FGFR2: variants seen among roughly 807,000 people sequenced by gnomAD.
The protein encoded by FGFR2 is BEK fibroblast growth factor receptor.
A neutral mutation model predicts 95.9 loss-of-function variants in FGFR2; 19 were observed. The ratio of observed to expected loss-of-function variants is 0.20; its 90% CI spans 0.14 to 0.29. FGFR2 has a LOEUF of 0.29. Ranked by LOEUF, FGFR2 falls within the 10% of genes least tolerant of loss-of-function variation. The pLI, the probability that FGFR2 is intolerant of heterozygous loss-of-function variation, is 1.00. For synonymous variants in FGFR2, 392 were observed against 393.3 expected (o/e 1.00, Z 0.04); for missense variants, 707 against 1,056.9 (o/e 0.67, Z 4.59).
At chr10:121,481,389 GACACACACACACACACAC>G (rs71868012) in intron 17 of FGFR2, among the ~76,000 whole-genome samples, 2 of 149,900 alleles carry the variant, frequency 1.3e-5, no homozygotes, top group African/African-American at 2.5e-5. Flanking sequence ...CATTTTTAAA[GACACACACACACACACAC>G]ACACACACAC....
At chr10:121,480,632 G>A (rs999231399) in intron 17 of FGFR2, 35 of 212,090 alleles carry the variant, frequency 1.7e-4, no homozygotes, top group Non-Finnish European at 3.8e-5. Context: ...GAAGCTCTCC[G>A]AGTTGAAAAT....
intron 4 of FGFR2, among the ~76,000 whole-genome samples, chr10:121,559,111 G>GAAAAAAA (rs904279035): frequency 1.8e-5 from 1 of 55,232 alleles, no homozygotes; most frequent in East Asian, 4.6e-4. Flanking sequence ...TCCAAAAGGA[G>GAAAAAAA]AAAAAAAAAA....
intron 10 of FGFR2, 34 bp from the exon 11 acceptor site, chr10:121,500,981 T>C: frequency 6.2e-7 from 1 of 1,612,226 alleles, no homozygotes; most frequent in Non-Finnish European, 8.5e-7. Flanking sequence ...GCACATAGCA[T>C]CTGGTGATGG....
At chr10:121,535,039 G>C (rs1852637302) in intron 6 of FGFR2, among the ~76,000 whole-genome samples, 1 of 152,148 alleles carries the variant, frequency 6.6e-6, no homozygotes, top group South Asian at 2.1e-4. Flanking sequence ...CCTAAATCCA[G>C]TGACAGGTGT....
chr10:121,561,253 C>T (rs779659398), intron 4 of FGFR2, among the ~76,000 whole-genome samples: 8 of 151,874 alleles, frequency 5.3e-5, no homozygotes, highest in South Asian at 2.1e-4. Context: ...GGAGAAACCC[C>T]GTCTCTACTA....
intron 2 of FGFR2, among the ~76,000 whole-genome samples, chr10:121,570,667 T>C (rs1448199775): frequency 6.6e-6 from 1 of 152,258 alleles, no homozygotes; most frequent in Non-Finnish European, 1.5e-5. Flanking sequence ...AGAAGCCGCC[T>C]TGCTATGCAC....
At chr10:121,537,268 C>G (rs182926909) in intron 6 of FGFR2, among the ~76,000 whole-genome samples, 65 of 152,280 alleles carry the variant, frequency 4.3e-4, no homozygotes, top group Admixed American at 2.5e-3. Context: ...CGAATAAACA[C>G]TATTTTCCCT....
rs2133839866 is a variant in FGFR2 at position 121,488,112 on chromosome 10, C to T, written c.1865G>A (p.Cys622Tyr). The T allele has an allele frequency of 1.2e-6, 2 of 1,613,996 alleles. No homozygotes were observed. Among genetic ancestry groups the T allele is most frequent in the Non-Finnish European group, 1.7e-6 (2 of 1,180,016 alleles). Residue 622 changes from cysteine to tyrosine, a missense_variant and splice_region_variant, in exon 14 of 18, where the codon TGT becomes TAT. Physicochemically the swap from Cys to Tyr is radical, Grantham distance 194. Transcript: ENST00000358487. ...RGMEYLASQK[C>Y]IHRDLAARNV... The stretch of plus-strand genomic sequence containing the variant: ...TCTGGCTGCTAAATCTCGATGAATA[C>T]ACTGAAATCAAGAAAGAAGCAAGAG...
At chr10:121,569,163 G>A (rs796345834) in intron 2 of FGFR2, among the ~76,000 whole-genome samples, 17 of 151,812 alleles carry the variant, frequency 1.1e-4, no homozygotes, top group African/African-American at 3.4e-4. Flanking sequence ...TAAGCACCAC[G>A]ATTTTCAGAG....
chr10:121,487,020 C>T (rs1443727895), intron 15 of FGFR2, among the ~76,000 whole-genome samples: 3 of 152,348 alleles, frequency 2.0e-5, no homozygotes, highest in African/African-American at 4.8e-5. Context: ...TCCAGGATTA[C>T]TCCTTTAATG....
At chr10:121,588,904 ACT>A (rs1862218744) in intron 2 of FGFR2, among the ~76,000 whole-genome samples, 1 of 152,004 alleles carries the variant, frequency 6.6e-6, no homozygotes, top group African/African-American at 2.4e-5. Flanking sequence ...GCAGATCAAG[ACT>A]CTGTCTCAAA....
rs769243397 is a variant in FGFR2 at position 121,593,749 on chromosome 10, G to A, written c.69C>T (p.Pro23=). 1.2e-6 allele frequency: 2 copies of A among 1,614,166 alleles called. No homozygotes were observed. The highest frequency in any genetic ancestry group is 1.7e-6 in the Non-Finnish European group (2 of 1,180,028). The part of the protein sequence containing the change: ...VTMATLSLAR[P]SFSLVEDTTL... ...TGGTATCCTCAACTAAACTGAAGGA[G>A]GGCCGGGCCAGGGACAAGGTTGCCA... Residue 23 remains proline, a synonymous_variant, in exon 2 of 18, where the codon CCC becomes CCT. Coordinates refer to ENST00000358487, the MANE Select transcript of FGFR2 (RefSeq NM_000141.5).
intron 2 of FGFR2, 148 bp from the exon 3 acceptor site, chr10:121,565,852 C>G (rs2135130083): frequency 1.1e-6 from 1 of 897,390 alleles, no homozygotes. Context: ...CACCTCTCCC[C>G]AAGCCCCAGG....
intron 3 of FGFR2, 109 bp downstream of exon 3, chr10:121,565,329 G>GT (rs1857517838): frequency 1.4e-6 from 2 of 1,410,102 alleles, no homozygotes; most frequent in East Asian, 4.6e-5. Context: ...CTATGAAGCT[G>GT]TATGCCTGGC....
intron 2 of FGFR2, among the ~76,000 whole-genome samples, chr10:121,567,585 C>T (rs185449792): frequency 7.9e-4 from 120 of 152,260 alleles, no homozygotes; most frequent in Middle Eastern, 6.8e-3. Flanking sequence ...ACGATAGATA[C>T]AAAATCTACA....
chr10:121,551,961 A>G (rs907736915), intron 4 of FGFR2, among the ~76,000 whole-genome samples: 1 of 152,126 alleles, frequency 6.6e-6, no homozygotes, highest in Non-Finnish European at 1.5e-5. Context: ...TCATTCTAAT[A>G]TAATAAAATA....
At chr10:121,566,285 G>A (rs1326394363) in intron 2 of FGFR2, among the ~76,000 whole-genome samples, 3 of 152,110 alleles carry the variant, frequency 2.0e-5, no homozygotes, top group Non-Finnish European at 4.4e-5. Context: ...GTACTTTGCC[G>A]GTTTAGAGAC....
Position 121,520,080 on chromosome 10 carries a change from C to T in FGFR2, c.838G>A (p.Val280Ile), listed in dbSNP as rs2134313998. The T allele has an allele frequency of 6.2e-7, 1 of 1,614,242 alleles. No homozygotes were observed. The highest frequency in any genetic ancestry group is 2.2e-5 in the East Asian group (1 of 44,882). Residue 280 changes from valine to isoleucine, a missense_variant, in exon 7 of 18, where the codon GTT becomes ATT. Val to Ile is a conservative substitution (Grantham distance 29). Coordinates refer to ENST00000358487, the MANE Select transcript of FGFR2 (RefSeq NM_000141.5). ...ATGTGGGGCTGGGCATCACTGTAAA[C>T]CTTGCAGACAAACTCTACGTCTCCT... is the stretch of plus-strand genomic sequence containing the variant. ...VGGDVEFVCK[V>I]YSDAQPHIQW...
chr10:121,594,356 G>A (rs11818310), intron 1 of FGFR2, among the ~76,000 whole-genome samples: 1,651 of 152,264 alleles, frequency 0.011, 19 homozygotes, highest in African/African-American at 0.036. Flanking sequence ...AAAAATGCTC[G>A]GGTTGGCATA....
Sources: gnomAD v4.1 joint callset for allele counts (sites outside exome capture counted in the v4.1 genomes callset) on GRCh38, gnomAD v4.1.1 for gene constraint, MANE v1.5 for transcripts, NCBI Gene and HGNC (gene_info 2026-07-23, HGNC 2026-07-21) for gene names.